Variants in CARMIL1 observed in about 807,000 individuals in gnomAD.
CARMIL1 encodes capping protein regulator and myosin 1 linker 1.
Under a neutral mutation model 177.1 loss-of-function variants are expected in CARMIL1, and 90 were observed. The observed-to-expected ratio is 0.51, with a 90% CI of 0.43 to 0.61. The LOEUF (loss-of-function observed/expected upper bound fraction) is 0.61, where lower values mean the gene tolerates loss of function less well. Ranked by LOEUF, CARMIL1 falls within the 20% of genes least tolerant of loss-of-function variation. The pLI, the probability that CARMIL1 is intolerant of heterozygous loss-of-function variation, is 0.00. For missense variants in CARMIL1, 1,380 were observed against 1,667.0 expected (o/e 0.83, Z 3.00); for synonymous variants, 577 against 606.2 (o/e 0.95, Z 0.71).
intron 32 of CARMIL1, among the ~76,000 whole-genome samples, chr6:25,596,121 T>G (rs1166560130): frequency 6.6e-6 from 1 of 152,212 alleles, no homozygotes; most frequent in Non-Finnish European, 1.5e-5. Context: ...CCGTTAATGC[T>G]AGTTTCTTCT....
chr6:25,480,003 A>G (rs1801938912), intron 11 of CARMIL1, among the ~76,000 whole-genome samples: 1 of 152,138 alleles, frequency 6.6e-6, no homozygotes, highest in African/African-American at 2.4e-5. Flanking sequence ...TAGTGGTAAC[A>G]GAGAACATAC....
intron 27 of CARMIL1, among the ~76,000 whole-genome samples, chr6:25,552,206 G>T (rs903662757): frequency 1.3e-5 from 2 of 152,100 alleles, no homozygotes; most frequent in African/African-American, 4.8e-5. Flanking sequence ...TTCACTAGGT[G>T]TGCTTACTTA....
Position 25,510,761 on chromosome 6 carries a change from CA to C in CARMIL1, c.1632del (p.Pro545LeufsTer29). The C allele has an allele frequency of 6.6e-7, 1 of 1,516,134 alleles. No homozygotes were observed. Among genetic ancestry groups the C allele is most frequent in the Non-Finnish European group, 8.9e-7 (1 of 1,121,826 alleles). 93.9% of individuals were successfully genotyped at this position (1,516,134 alleles called of 1,614,324 possible). On this transcript the variant is annotated frameshift_variant and splice_region_variant, in exon 20 of 37. Transcript: ENST00000329474. LOFTEE classifies it high-confidence loss of function. ...GTACAGATGATTCAAGATGAAGAAT[CA>C]GTGAGTATTATGTTAAACTTTTTAC... ...NLVQMIQDEE[S>X]PLQSLSLADS...
intron 31 of CARMIL1, among the ~76,000 whole-genome samples, chr6:25,592,049 TG>T (rs201440231): frequency 2.0e-5 from 3 of 152,026 alleles, no homozygotes; most frequent in Admixed American, 6.6e-5. Flanking sequence ...GTTTTTTTTT[TG>T]TTTGTTTGTT....
intron 24 of CARMIL1, among the ~76,000 whole-genome samples, chr6:25,536,385 T>A (rs1287356512): frequency 6.6e-6 from 1 of 152,140 alleles, no homozygotes; most frequent in Non-Finnish European, 1.5e-5. Context: ...TTTCTTGTCT[T>A]AGATTTTTAG....
chr6:25,364,572 C>CTTTTTTTTTTTTTTT lies in CARMIL1; in HGVS notation c.139-55534_139-55533insTTTTTTTTTTTTTTT, dbSNP rs199573991. ...ATATGGATTCTTTTTTCTTTTTCTTCTTTTTTTTGAGACAGAGTTTCTGTC... is the reference window on the plus strand; with the variant it reads ...ATATGGATTCTTTTTTCTTTTTCTTCTTTTTTTTTTTTTTTTTTTTTTTGAGACAGAGTTTCTGTC... On this transcript the variant is annotated intron_variant, in intron 2 of 36. Coordinates refer to ENST00000329474, the MANE Select transcript of CARMIL1 (RefSeq NM_017640.6). 3.9e-3 allele frequency among the ~76,000 whole-genome samples: 591 copies of CTTTTTTTTTTTTTTT among 150,398 alleles called. 4 individuals are homozygous for CTTTTTTTTTTTTTTT. The highest frequency in any genetic ancestry group is 8.9e-3 in the African/African-American group (362 of 40,880).
At chr6:25,549,039 T>C (rs528881550) in intron 26 of CARMIL1, among the ~76,000 whole-genome samples, 2 of 152,318 alleles carry the variant, frequency 1.3e-5, no homozygotes, top group South Asian at 4.1e-4. Flanking sequence ...GCTGGATTAG[T>C]TAAATGCCTA....
chr6:25,330,541 T>C (rs1157290735), intron 2 of CARMIL1, among the ~76,000 whole-genome samples: 1 of 152,066 alleles, frequency 6.6e-6, no homozygotes, highest in Non-Finnish European at 1.5e-5. Flanking sequence ...TCATTTTTGG[T>C]TTAGAAGACA....
chr6:25,291,007 TC>T (rs1382521075), intron 2 of CARMIL1, among the ~76,000 whole-genome samples: 1 of 152,142 alleles, frequency 6.6e-6, no homozygotes, highest in African/African-American at 2.4e-5. Flanking sequence ...AGAGACAGTC[TC>T]ATTATTTTGC....
At chr6:25,372,656 G>C (rs567955385) in intron 2 of CARMIL1, among the ~76,000 whole-genome samples, 6 of 152,062 alleles carry the variant, frequency 3.9e-5, no homozygotes, top group African/African-American at 1.4e-4. Context: ...GAGTCTTTAG[G>C]GTTTTCTAGG....
intron 3 of CARMIL1, among the ~76,000 whole-genome samples, chr6:25,423,437 C>T (rs1331639988): frequency 6.6e-6 from 1 of 152,078 alleles, no homozygotes; most frequent in Non-Finnish European, 1.5e-5. Flanking sequence ...GAAAAATCAC[C>T]CATCAGCCGG....
intron 2 of CARMIL1, among the ~76,000 whole-genome samples, chr6:25,362,690 C>CA (rs917196196): frequency 2.0e-5 from 3 of 151,628 alleles, no homozygotes; most frequent in African/African-American, 7.3e-5. Flanking sequence ...CAAAACAAAA[C>CA]AAAAAAACCA....
At chr6:25,399,372 C>T (rs1415585511) in intron 2 of CARMIL1, among the ~76,000 whole-genome samples, 1 of 152,188 alleles carries the variant, frequency 6.6e-6, no homozygotes, top group Non-Finnish European at 1.5e-5. Flanking sequence ...AGACCCTCAA[C>T]AGCCATGGTC....
chr6:25,573,952 A>T (rs1812354621), intron 29 of CARMIL1, among the ~76,000 whole-genome samples: 1 of 152,202 alleles, frequency 6.6e-6, no homozygotes, highest in Admixed American at 6.5e-5. Context: ...GAAGCCAGAC[A>T]CTTTTTAACA....
intron 2 of CARMIL1, among the ~76,000 whole-genome samples, chr6:25,331,316 C>T (rs1051938199): frequency 2.6e-5 from 4 of 152,196 alleles, no homozygotes; most frequent in Non-Finnish European, 4.4e-5. Flanking sequence ...GAAAGGATTG[C>T]CTGTTCCTGA....
intron 13 of CARMIL1, 117 bp downstream of exon 13, chr6:25,488,702 T>C: frequency 1.2e-6 from 1 of 820,110 alleles, no homozygotes; most frequent in Non-Finnish European, 2.1e-6. Flanking sequence ...ATGACACCTT[T>C]GAATCATTTA....
intron 2 of CARMIL1, among the ~76,000 whole-genome samples, chr6:25,332,462 A>G (rs1785727244): frequency 6.6e-6 from 1 of 151,990 alleles, no homozygotes; most frequent in Non-Finnish European, 1.5e-5. Flanking sequence ...ATGTATTTTT[A>G]AGGTAGAAGC....
At chr6:25,387,938 G>A (rs553534641) in intron 2 of CARMIL1, among the ~76,000 whole-genome samples, 145 of 152,188 alleles carry the variant, frequency 9.5e-4, no homozygotes, top group African/African-American at 3.4e-3. Flanking sequence ...TGTCATTTTG[G>A]GTATCTGTTG....
chr6:25,405,014 T>G (rs1047224947), intron 2 of CARMIL1, among the ~76,000 whole-genome samples: 3 of 148,022 alleles, frequency 2.0e-5, no homozygotes, highest in Non-Finnish European at 4.5e-5. Flanking sequence ...GCAGTGTTTA[T>G]GACTAAACCC....
Sources: allele counts gnomAD v4.1 joint callset (sites outside exome capture counted in the v4.1 genomes callset), GRCh38; gene constraint gnomAD v4.1.1; transcripts MANE v1.5; gene names NCBI Gene and HGNC (gene_info 2026-07-23, HGNC 2026-07-21).